The following EYS variants were observed in gnomAD, a reference collection of about 807,000 sequenced individuals.
EYS encodes the protein EGF-like photoreceptor maintenance factor, also known as protein eyes shut homolog.
In EYS, 250 loss-of-function variants were observed where a neutral mutation model predicts 282.1. The ratio of observed to expected loss-of-function variants is 0.89; its 90% CI spans 0.80 to 0.98. EYS has a LOEUF of 0.98. Ranked by LOEUF, EYS falls within the 50% of genes least tolerant of loss-of-function variation. The pLI is 0.00. For missense variants in EYS, 4,016 were observed against 3,709.0 expected, an observed-to-expected ratio of 1.08 and a Z score of -2.15; for synonymous variants, 1,355 against 1,282.9, an observed-to-expected ratio of 1.06 and a Z score of -1.20.
intron 2 of EYS, among the ~76,000 whole-genome samples, chr6:65,589,910 T>A (rs1312874476): frequency 6.6e-6 from 1 of 151,966 alleles, no homozygotes; most frequent in African/African-American, 2.4e-5. Flanking sequence ...ATTATTTCTA[T>A]AATTGTTAAA....
At chr6:65,597,571 C>T (rs1385413479) in intron 2 of EYS, among the ~76,000 whole-genome samples, 2 of 152,068 alleles carry the variant, frequency 1.3e-5, no homozygotes, top group African/African-American at 4.8e-5. Context: ...TGTAGCCTTG[C>T]ATCAAATAAT....
chr6:64,663,329 A>C (rs1025878729), intron 22 of EYS, among the ~76,000 whole-genome samples: 2 of 151,878 alleles, frequency 1.3e-5, no homozygotes, highest in Admixed American at 1.3e-4. Context: ...GGAAAACTTT[A>C]ATTGGATACC....
chr6:63,961,791 G>A (rs572253796), intron 35 of EYS, among the ~76,000 whole-genome samples: 1 of 152,110 alleles, frequency 6.6e-6, no homozygotes, highest in Non-Finnish European at 1.5e-5. Context: ...ATCACATTGG[G>A]TATACATTCC....
At chr6:65,358,639 T>TGTGTGTGTGTGTGTGTG (rs58065972) in intron 8 of EYS, among the ~76,000 whole-genome samples, 2 of 130,268 alleles carry the variant, frequency 1.5e-5, no homozygotes, top group African/African-American at 2.7e-5. Context: ...TGTGTGTGTG[T>TGTGTGTGTGTGTGTGTG]TGGGAGAAGG....
chr6:65,282,049 T>C (rs76276873), intron 12 of EYS, among the ~76,000 whole-genome samples: 95 of 151,232 alleles, frequency 6.3e-4, no homozygotes, highest in African/African-American at 2.3e-3. Flanking sequence ...AGCAACAGAG[T>C]AGAGTGACTG....
chr6:64,231,174 T>C (rs1766416420), intron 30 of EYS, among the ~76,000 whole-genome samples: 1 of 152,156 alleles, frequency 6.6e-6, no homozygotes. Flanking sequence ...CATGCTAAGA[T>C]TGTTTGAACT....
intron 34 of EYS, among the ~76,000 whole-genome samples, chr6:63,986,417 A>T (rs566760898): frequency 6.6e-6 from 1 of 151,980 alleles, no homozygotes; most frequent in South Asian, 2.1e-4. Context: ...CAATCCCATT[A>T]CTGGATATAT....
chr6:64,696,425 C>T (rs957603235), intron 22 of EYS, among the ~76,000 whole-genome samples: 18 of 152,146 alleles, frequency 1.2e-4, no homozygotes, highest in African/African-American at 2.6e-4. Context: ...AGAAATGAAA[C>T]ATCTGGAAAA....
chr6:64,068,856 T>C (rs1456363049), intron 32 of EYS, among the ~76,000 whole-genome samples: 1 of 151,906 alleles, frequency 6.6e-6, no homozygotes, highest in East Asian at 1.9e-4. Context: ...TGAGTGTTAT[T>C]TGATATTGCC....
intron 29 of EYS, among the ~76,000 whole-genome samples, chr6:64,383,640 G>C (rs1413693732): frequency 2.6e-5 from 4 of 152,220 alleles, no homozygotes; most frequent in Admixed American, 2.0e-4. Context: ...ATTTTCACCA[G>C]TAAGTGGACC....
intron 26 of EYS, among the ~76,000 whole-genome samples, chr6:64,467,475 T>C (rs73767816): frequency 0.052 from 7,879 of 152,194 alleles, 685 homozygotes; most frequent in African/African-American, 0.18. Flanking sequence ...AAGTATGCAA[T>C]ATTCATCAAC....
At chr6:65,569,121 G>A (rs1463300812) in intron 2 of EYS, among the ~76,000 whole-genome samples, 1 of 152,146 alleles carries the variant, frequency 6.6e-6, no homozygotes, top group Non-Finnish European at 1.5e-5. Flanking sequence ...AAGTGAAAAT[G>A]TATTGTTCCT....
chr6:65,099,873 T>C (rs1480368458), intron 12 of EYS, among the ~76,000 whole-genome samples: 1 of 150,734 alleles, frequency 6.6e-6, no homozygotes, highest in East Asian at 1.9e-4. Context: ...AGAGATGATA[T>C]AGGTTTCAAG....
At chr6:65,380,690 C>G (rs1582215598) in intron 8 of EYS, among the ~76,000 whole-genome samples, 2 of 152,164 alleles carry the variant, frequency 1.3e-5, no homozygotes, top group South Asian at 4.1e-4. Context: ...AGGCAACCTA[C>G]AGAATGGGAG....
chr6:65,200,317 A>G (rs1453432437), intron 12 of EYS, among the ~76,000 whole-genome samples: 1 of 151,680 alleles, frequency 6.6e-6, no homozygotes, highest in African/African-American at 2.4e-5. Context: ...ACTAGTAACT[A>G]GATAGAAATG....
intron 12 of EYS, among the ~76,000 whole-genome samples, chr6:65,181,197 A>G (rs1368668058): frequency 1.3e-5 from 2 of 152,174 alleles, no homozygotes; most frequent in African/African-American, 4.8e-5. Context: ...AAAAGCCAAA[A>G]TTGACAAATG....
At chr6:63,985,274 T>C (rs1477434742) in intron 34 of EYS, among the ~76,000 whole-genome samples, 1 of 151,634 alleles carries the variant, frequency 6.6e-6, no homozygotes, top group Non-Finnish European at 1.5e-5. Context: ...ATCTATGGGC[T>C]AAGGAACATC....
intron 10 of EYS, among the ~76,000 whole-genome samples, chr6:65,339,102 GATAA>G (rs1182719480): frequency 1.3e-5 from 2 of 151,272 alleles, no homozygotes; most frequent in South Asian, 2.1e-4. Flanking sequence ...TTATTAAATA[GATAA>G]ATAAAGTGAC....
chr6:65,395,700 G>C (rs894428431), intron 7 of EYS, among the ~76,000 whole-genome samples: 1 of 152,012 alleles, frequency 6.6e-6, no homozygotes, highest in Admixed American at 6.6e-5. Flanking sequence ...AGATACACGT[G>C]ATGTTTTGTT....
Sources: allele counts gnomAD v4.1 joint callset (sites outside exome capture counted in the v4.1 genomes callset), GRCh38; gene constraint gnomAD v4.1.1; transcripts MANE v1.5; gene names NCBI Gene and HGNC (gene_info 2026-07-23, HGNC 2026-07-21).